The following VWA8 variants were observed in gnomAD, a reference collection of about 807,000 sequenced individuals.
The protein encoded by VWA8 is von Willebrand factor A domain containing 8, also known as von Willebrand factor A domain-containing protein 8.
Under a neutral mutation model 241.5 loss-of-function variants are expected in VWA8, and 221 were observed. The observed-to-expected ratio is 0.91, with a 90% CI of 0.82 to 1.02. The LOEUF is 1.02. Ranked by LOEUF, VWA8 falls within the 50% of genes least tolerant of loss-of-function variation. The probability of loss-of-function intolerance (pLI) is 0.00; values close to 1 mark genes in which losing one functional copy is unlikely to be tolerated. For synonymous variants in VWA8, 852 were observed against 827.1 expected (o/e 1.03, Z -0.52); for missense variants, 2,322 against 2,328.7 (o/e 1.00, Z 0.06).
intron 14 of VWA8, 29 bp from the exon 15 acceptor site, chr13:41,819,415 T>A (rs750735884): frequency 1.3e-6 from 2 of 1,580,886 alleles, no homozygotes; most frequent in East Asian, 2.3e-5. Flanking sequence ...TGAAAAAAAA[T>A]AACATATCTT....
intron 17 of VWA8, among the ~76,000 whole-genome samples, chr13:41,807,238 C>T (rs1870254654): frequency 6.6e-6 from 1 of 152,132 alleles, no homozygotes; most frequent in African/African-American, 2.4e-5. Context: ...TGATCGCTTG[C>T]CTGCTGAATT....
At chr13:41,592,475 AAAATAAAAT>A (rs2044462102) in intron 40 of VWA8, among the ~76,000 whole-genome samples, 1 of 71,300 alleles carries the variant, frequency 1.4e-5, no homozygotes, top group Non-Finnish European at 4.0e-5. Flanking sequence ...AATAATAAAA[AAAATAAAAT>A]AAAATAAAAT....
At chr13:41,792,601 T>C (rs1205671289) in intron 17 of VWA8, among the ~76,000 whole-genome samples, 1 of 152,012 alleles carries the variant, frequency 6.6e-6, no homozygotes, top group African/African-American at 2.4e-5. Context: ...TAGCCTATTA[T>C]ACTTCCATGC....
At chr13:41,886,112 T>G in intron 7 of VWA8, 84 bp from the exon 8 acceptor site, 1 of 894,506 alleles carries the variant, frequency 1.1e-6, no homozygotes, top group Non-Finnish European at 1.7e-6. Flanking sequence ...GGGGCCAATT[T>G]AATTAATCTA....
At chr13:41,570,841 C>G in intron 43 of VWA8, 135 bp from the exon 44 acceptor site, 2 of 714,556 alleles carry the variant, frequency 2.8e-6, no homozygotes, top group South Asian at 2.0e-5. Context: ...TAAGTTAGTT[C>G]TATTTAATTT....
rs1870454573 is a variant in VWA8 at position 41,811,267 on chromosome 13, T to TTA, written c.2019_2020dup (p.Asn674IlefsTer26). The TTA allele has an allele frequency of 6.2e-7, 1 of 1,610,890 alleles. No homozygotes were observed. The highest frequency in any genetic ancestry group is 2.2e-5 in the East Asian group (1 of 44,848). ...AGTAACAGCACTGTGAAGATTTTCA[T>TTA]TAGGATACTGTGACAGCCGACGAGA... On this transcript the variant is annotated frameshift_variant, in exon 17 of 45. Transcript: ENST00000379310. LOFTEE classifies it high-confidence loss of function.
intron 26 of VWA8, among the ~76,000 whole-genome samples, chr13:41,712,683 T>C (rs1176743056): frequency 1.3e-5 from 2 of 152,234 alleles, no homozygotes; most frequent in African/African-American, 4.8e-5. Context: ...CAGAGAGATC[T>C]GTGGTTGAAT....
chr13:41,913,445 T>C (rs1876105817), intron 2 of VWA8, among the ~76,000 whole-genome samples: 1 of 152,208 alleles, frequency 6.6e-6, no homozygotes, highest in Non-Finnish European at 1.5e-5. Context: ...CTTTTGTATG[T>C]AGCAAATATT....
At position 41,856,317 on chromosome 13, in the gene VWA8, T is replaced by C. The variant is rs113974894; in HGVS notation, c.1425+9419A>G. Among the ~76,000 whole-genome samples, 564 of 152,208 alleles carry C rather than the reference T, an allele frequency of 3.7e-3. 2 individuals carry two copies. Among genetic ancestry groups the C allele is most frequent in the African/African-American group, 0.013 (535 of 41,506 alleles). On this transcript the variant is annotated intron_variant, in intron 12 of 44. Coordinates refer to ENST00000379310, the MANE Select transcript of VWA8 (RefSeq NM_015058.2). ...CACCACCGCACTCTAGTCTGGGTGA[T>C]AGAGCGAGACTTTGATCAAAACAAA...
intron 2 of VWA8, among the ~76,000 whole-genome samples, chr13:41,945,331 G>A (rs914123453): frequency 6.7e-6 from 1 of 148,666 alleles, no homozygotes; most frequent in Non-Finnish European, 1.5e-5. Context: ...GGGAAGGAGA[G>A]ATTATACTAT....
chr13:41,887,657 G>C (rs1874614164), intron 5 of VWA8, among the ~76,000 whole-genome samples: 2 of 152,174 alleles, frequency 1.3e-5, no homozygotes, highest in Admixed American at 6.5e-5. Flanking sequence ...AAACAGTCAG[G>C]GGGTAAGGAA....
chr13:41,665,760 T>A (rs2044981864), intron 37 of VWA8, among the ~76,000 whole-genome samples: 1 of 152,124 alleles, frequency 6.6e-6, no homozygotes, highest in African/African-American at 2.4e-5. Flanking sequence ...TACTTGCTGA[T>A]CATATTGTTG....
At chr13:41,908,125 G>A (rs1234022976) in intron 3 of VWA8, among the ~76,000 whole-genome samples, 1 of 152,162 alleles carries the variant, frequency 6.6e-6, no homozygotes, top group Non-Finnish European at 1.5e-5. Context: ...TTTGCCAAGT[G>A]TATACAGTAT....
At chr13:41,606,975 CCT>C (rs1329261272) in intron 39 of VWA8, among the ~76,000 whole-genome samples, 1 of 152,024 alleles carries the variant, frequency 6.6e-6, no homozygotes, top group Non-Finnish European at 1.5e-5. Context: ...GGCCTGTTGC[CCT>C]CTGTTATGGT....
At chr13:41,659,662 T>C (rs1337380778) in intron 37 of VWA8, among the ~76,000 whole-genome samples, 2 of 152,246 alleles carry the variant, frequency 1.3e-5, no homozygotes, top group African/African-American at 2.4e-5. Flanking sequence ...CTGATGTCTC[T>C]ATCCAGCTGT....
At chr13:41,742,563 A>C (rs902543912) in intron 21 of VWA8, among the ~76,000 whole-genome samples, 11 of 152,240 alleles carry the variant, frequency 7.2e-5, no homozygotes, top group African/African-American at 2.4e-4. Flanking sequence ...AAGGTGAAAA[A>C]CAGTACCTTA....
At chr13:41,852,350 G>C (rs1872560454) in intron 12 of VWA8, among the ~76,000 whole-genome samples, 1 of 152,074 alleles carries the variant, frequency 6.6e-6, no homozygotes, top group Non-Finnish European at 1.5e-5. Context: ...CTCTTTGTCA[G>C]CTGTCATTTG....
intron 2 of VWA8, among the ~76,000 whole-genome samples, chr13:41,919,100 T>C (rs552455342): frequency 1.3e-5 from 2 of 151,686 alleles, no homozygotes; most frequent in South Asian, 4.2e-4. Context: ...CCAAAATAAA[T>C]AAAGGAGAGC....
At chr13:41,741,214 A>G (rs1468840556) in intron 21 of VWA8, among the ~76,000 whole-genome samples, 1 of 152,206 alleles carries the variant, frequency 6.6e-6, no homozygotes, top group Non-Finnish European at 1.5e-5. Context: ...ACTCACACTT[A>G]GAAAAGTAAC....
Sources: gnomAD v4.1 joint callset for allele counts (sites outside exome capture counted in the v4.1 genomes callset) on GRCh38, gnomAD v4.1.1 for gene constraint, MANE v1.5 for transcripts, NCBI Gene and HGNC (gene_info 2026-07-23, HGNC 2026-07-21) for gene names.